The following TOP1 variants were observed in gnomAD, a reference collection of about 807,000 sequenced individuals.
TOP1 encodes the protein DNA topoisomerase 1.
A neutral mutation model predicts 111.1 loss-of-function variants in TOP1; 10 were observed. That is an observed-to-expected ratio of 0.09 (90% CI 0.06 to 0.15). The LOEUF is 0.15. TOP1 is among the 10% of genes least tolerant of loss of function. The pLI is 1.00. For synonymous variants in TOP1, 271 were observed against 302.9 expected (o/e 0.89, Z 1.10); for missense variants, 474 against 926.7 (o/e 0.51, Z 6.34).
At chr20:41,075,193 G>T (rs1198598583) in intron 3 of TOP1, among the ~76,000 whole-genome samples, 1 of 151,864 alleles carries the variant, frequency 6.6e-6, no homozygotes, top group African/African-American at 2.4e-5. Flanking sequence ...TTTTTTTGAG[G>T]CAGAGTCTCG....
chr20:41,033,980 G>A (rs373333260), intron 2 of TOP1, among the ~76,000 whole-genome samples: 2 of 151,306 alleles, frequency 1.3e-5, no homozygotes, highest in South Asian at 2.1e-4. Context: ...GGACCTGGAG[G>A]TTTAAAAAAA....
intron 2 of TOP1, among the ~76,000 whole-genome samples, chr20:41,040,918 A>G (rs1189639677): frequency 6.6e-6 from 1 of 152,006 alleles, no homozygotes; most frequent in East Asian, 1.9e-4. Flanking sequence ...TTAGCTAGGT[A>G]TACTCAATAC....
intron 3 of TOP1, chr20:41,072,518 G>A (rs1440877887): frequency 1.0e-6 from 1 of 985,320 alleles, no homozygotes; most frequent in East Asian, 1.1e-4. Flanking sequence ...TCCTGTTTCT[G>A]ACTTTCCTGG....
At position 41,079,255 on chromosome 20, in the gene TOP1, C is replaced by T. The variant is rs1460761378; in HGVS notation, c.336-830C>T. On this transcript the variant is annotated intron_variant, in intron 5 of 20. Coordinates refer to ENST00000361337, the MANE Select transcript of TOP1 (RefSeq NM_003286.4). This position sits in a 1 kb window ranked among gnomAD's most constrained non-coding sequence, Gnocchi z 4.0. ...GCAGCTGCATGTAAGGAGGCCATTT[C>T]TTGTACTAAGTTAAGGCAGTGAGGT... is the stretch of plus-strand genomic sequence containing the variant. 2.0e-5 allele frequency among the ~76,000 whole-genome samples: 3 copies of T among 152,122 alleles called. No individual in the cohort carries two copies. The highest frequency in any genetic ancestry group is 2.9e-5 in the Non-Finnish European group (2 of 68,016).
rs1457040074 is a variant in TOP1 at position 41,028,858 on chromosome 20, T to G, written c.-210T>G. On this transcript the variant is annotated 5_prime_UTR_variant, in exon 1 of 21. Transcript: ENST00000361337. ...TTAGGCTGTTACACAACTGCTGGGGTCTGTTCTCGCCGCCCGCCCGGCAGT... is the reference window on the plus strand; with the variant it reads ...TTAGGCTGTTACACAACTGCTGGGGGCTGTTCTCGCCGCCCGCCCGGCAGT... 3.6e-6 allele frequency: 2 copies of G among 552,896 alleles called. No individual in the cohort carries two copies. The highest frequency in any genetic ancestry group is 6.4e-6 in the Non-Finnish European group (2 of 314,226). 34.2% of individuals were successfully genotyped at this position (552,896 alleles called of 1,614,324 possible).
Position 41,058,999 on chromosome 20 carries a change from G to A in TOP1, c.59-2395G>A, listed in dbSNP as rs778852237. Reference sequence around the variant, plus strand: ...AATACTGTGCAGCCATAAGAAGAACGAGATTGTGTCCTTTGCAGGAACATG... The same window carrying A: ...AATACTGTGCAGCCATAAGAAGAACAAGATTGTGTCCTTTGCAGGAACATG... On this transcript the variant is annotated intron_variant, in intron 2 of 20. Coordinates refer to ENST00000361337, the MANE Select transcript of TOP1 (RefSeq NM_003286.4). The surrounding 1 kb of genome is among the most constrained non-coding windows in gnomAD (Gnocchi z 4.2). Among the ~76,000 whole-genome samples the A allele has an allele frequency of 3.3e-5, 5 of 152,058 alleles. No individual in the cohort carries two copies. Among genetic ancestry groups the A allele is most frequent in the African/African-American group, 7.2e-5 (3 of 41,384 alleles).
Position 41,097,444 on chromosome 20 carries a change from T to G in TOP1, c.852+103T>G. 1 of 1,223,094 alleles carries G rather than the reference T, an allele frequency of 8.2e-7. No homozygotes were observed. The highest frequency in any genetic ancestry group is 1.1e-6 in the Non-Finnish European group (1 of 884,644). The allele number at this position is 1,223,094 out of a possible 1,614,324, so 75.8% of individuals were successfully genotyped here. ...AACATTTCCTGATGTAAAATTTGAG[T>G]TGTATGGATTTTGTTGTATTTAAAC... On this transcript the variant is annotated intron_variant, in intron 10 of 20. Transcript: ENST00000361337. This position sits in a 1 kb window ranked among gnomAD's most constrained non-coding sequence, Gnocchi z 4.2.
chr20:41,097,207 C>A lies in TOP1; in HGVS notation c.731-13C>A. 6.2e-7 allele frequency: 1 copy of A among 1,609,160 alleles called. No individual in the cohort carries two copies. Among genetic ancestry groups the A allele is most frequent in the Non-Finnish European group, 8.5e-7 (1 of 1,178,920 alleles). On this transcript the variant is annotated splice_polypyrimidine_tract_variant and intron_variant, in intron 9 of 20. Coordinates refer to ENST00000361337, the MANE Select transcript of TOP1 (RefSeq NM_003286.4). The surrounding 1 kb of genome is among the most constrained non-coding windows in gnomAD (Gnocchi z 4.2). ...TACTATACCTCACTTTTTGGAACCA[C>A]TTTTTTCTCTAGGTAAAGTCATGAA...
chr20:41,052,780 C>T (rs1265362336), intron 2 of TOP1, among the ~76,000 whole-genome samples: 1 of 152,112 alleles, frequency 6.6e-6, no homozygotes, highest in Non-Finnish European at 1.5e-5. Flanking sequence ...CACTTGAGGT[C>T]AGGAGTTCGA....
Position 41,096,534 on chromosome 20 carries a change from A to G in TOP1, c.731-686A>G, listed in dbSNP as rs6029543. ...GCATCCAAGTCTTGTTAAAAATGCA[A>G]TTTCTGTATAGGATTCAGTAGGTCT... On this transcript the variant is annotated intron_variant, in intron 9 of 20. Coordinates refer to ENST00000361337, the MANE Select transcript of TOP1 (RefSeq NM_003286.4). Among the ~76,000 whole-genome samples the G allele has an allele frequency of 8.0e-3, 1,215 of 152,250 alleles. 11 individuals carry two copies. The highest frequency in any genetic ancestry group is 0.027 in the African/African-American group (1,118 of 41,530).
At position 41,121,891 on chromosome 20, in the gene TOP1, G is replaced by A; in HGVS notation, c.2045+101G>A. On this transcript the variant is annotated intron_variant, in intron 19 of 20. Coordinates refer to ENST00000361337, the MANE Select transcript of TOP1 (RefSeq NM_003286.4). This position sits in a 1 kb window ranked among gnomAD's most constrained non-coding sequence, Gnocchi z 4.2. ...GGCTTTTCGATGGTTTCTGAGAAAT[G>A]TCTTTTGGAAATCTCTATACTAGGG... The A allele has an allele frequency of 6.4e-7, 1 of 1,557,036 alleles. No homozygotes were observed. The highest frequency in any genetic ancestry group is 8.8e-7 in the Non-Finnish European group (1 of 1,140,430).
At chr20:41,120,189 T>C (rs2034399679) in intron 18 of TOP1, among the ~76,000 whole-genome samples, 1 of 152,258 alleles carries the variant, frequency 6.6e-6, no homozygotes, top group Non-Finnish European at 1.5e-5. Context: ...TTTGCTACAT[T>C]TCTATCCTAA....
chr20:41,073,482 C>T (rs1364111086), intron 3 of TOP1: 1 of 985,014 alleles, frequency 1.0e-6, no homozygotes, highest in Admixed American at 6.2e-5. Context: ...AGTTTCTCCT[C>T]GATGGTAAAA....
In TOP1 at chr20:41,106,302, G is replaced by A. The variant is rs2034144580; in HGVS notation, c.1308+4949G>A. 6.6e-6 allele frequency among the ~76,000 whole-genome samples: 1 copy of A among 152,118 alleles called. No individual in the cohort carries two copies. The highest frequency in any genetic ancestry group is 6.5e-5 in the Admixed American group (1 of 15,268). ...TAGCTTTATAAAGTCTATTGAGTAGGACAAGTTTGTTTCATTCTTCAAAAT... is the reference window on the plus strand; with the variant it reads ...TAGCTTTATAAAGTCTATTGAGTAGAACAAGTTTGTTTCATTCTTCAAAAT... On this transcript the variant is annotated intron_variant, in intron 13 of 20. Transcript: ENST00000361337. This position sits in a 1 kb window ranked among gnomAD's most constrained non-coding sequence, Gnocchi z 4.3.
rs2033812465 is a variant in TOP1, at chr20:41,083,467, C to T, written c.508-995C>T. Among the ~76,000 whole-genome samples, 1 of 152,022 alleles carries T rather than the reference C, an allele frequency of 6.6e-6. No homozygotes were observed. The highest frequency in any genetic ancestry group is 1.5e-5 in the Non-Finnish European group (1 of 67,994). ...CCATAAGTCACATTCTGTTATTTTTCTCATAAAGTTAGGCTCTTATCATAG... is the reference window on the plus strand; with the variant it reads ...CCATAAGTCACATTCTGTTATTTTTTTCATAAAGTTAGGCTCTTATCATAG... On this transcript the variant is annotated intron_variant, in intron 7 of 20. Transcript: ENST00000361337. This position sits in a 1 kb window ranked among gnomAD's most constrained non-coding sequence, Gnocchi z 7.2.
rs546486174 is a variant in TOP1, at chr20:41,122,517, G to T, written c.2195+362G>T. Among the ~76,000 whole-genome samples, 2 of 152,310 alleles carry T rather than the reference G, an allele frequency of 1.3e-5. No homozygotes were observed. The highest frequency in any genetic ancestry group is 4.8e-5 in the African/African-American group (2 of 41,558). ...CTACACTTCAACAAAACTTTTCGTTGAATTTTTTTGCAGTTGAAGGTAGGA... is the reference window on the plus strand; with the variant it reads ...CTACACTTCAACAAAACTTTTCGTTTAATTTTTTTGCAGTTGAAGGTAGGA... On this transcript the variant is annotated intron_variant, in intron 20 of 20. Transcript: ENST00000361337. This position sits in a 1 kb window ranked among gnomAD's most constrained non-coding sequence, Gnocchi z 5.4.
At chr20:41,085,070 T>C (rs1164463928) in intron 8 of TOP1, among the ~76,000 whole-genome samples, 1 of 130,114 alleles carries the variant, frequency 7.7e-6, no homozygotes, top group Non-Finnish European at 1.6e-5. Flanking sequence ...GGTGGACACC[T>C]TCATGCCATT....
At chr20:41,040,355 G>A (rs1347779424) in intron 2 of TOP1, among the ~76,000 whole-genome samples, 1 of 152,232 alleles carries the variant, frequency 6.6e-6, no homozygotes, top group Non-Finnish European at 1.5e-5. Context: ...TGCAGGAATG[G>A]ATGCAATGTA....
At chr20:41,119,489 G>T in intron 18 of TOP1, among the ~76,000 whole-genome samples, 1 of 152,172 alleles carries the variant, frequency 6.6e-6, no homozygotes, top group Non-Finnish European at 1.5e-5. Flanking sequence ...GTTCCAAAAA[G>T]AGGTTATTGA....
Sources: gnomAD v4.1 joint callset for allele counts (sites outside exome capture counted in the v4.1 genomes callset) on GRCh38, gnomAD v4.1.1 for gene constraint, Gnocchi (gnomAD v3.1) non-coding constraint, MANE v1.5 for transcripts, NCBI Gene and HGNC (gene_info 2026-07-23, HGNC 2026-07-21) for gene names.